Variants in CHL1 observed in about 807,000 individuals in gnomAD.
The protein encoded by CHL1 is cell adhesion molecule L1 like, also known as neural cell adhesion molecule L1-like protein.
CHL1 carries 96 observed loss-of-function variants against 141.9 expected under a neutral mutation model. That is an observed-to-expected ratio of 0.68 (90% CI 0.57 to 0.80). The LOEUF is 0.80. Ranked by LOEUF, CHL1 falls within the 30% of genes least tolerant of loss-of-function variation. The pLI is 0.00. For synonymous variants in CHL1, 613 were observed against 502.2 expected, an observed-to-expected ratio of 1.22 and a Z score of -2.95; for missense variants, 1,820 against 1,457.2, an observed-to-expected ratio of 1.25 and a Z score of -4.05.
At chr3:230,413 A>G (rs1382745271) in intron 1 of CHL1, among the ~76,000 whole-genome samples, 1 of 152,180 alleles carries the variant, frequency 6.6e-6, no homozygotes, top group African/African-American at 2.4e-5. Context: ...TGATGACTTG[A>G]AAAAAATATG....
chr3:227,431 C>G (rs971394421), intron 1 of CHL1, among the ~76,000 whole-genome samples: 1 of 152,154 alleles, frequency 6.6e-6, no homozygotes, highest in African/African-American at 2.4e-5. Context: ...AACAGAAAAC[C>G]TCGTCTTTTC....
chr3:406,615 T>C lies in CHL1; in HGVS notation c.*904T>C, dbSNP rs150175607. On this transcript the variant is annotated 3_prime_UTR_variant, in exon 28 of 28. Coordinates refer to ENST00000256509, the MANE Select transcript of CHL1 (RefSeq NM_006614.4). The stretch of plus-strand genomic sequence containing the variant: ...TTTCATGAATACATTGTACATATTA[T>C]GTTAATATTTACACAATTTAAAATA... 7 of 152,282 alleles carry C rather than the reference T, an allele frequency of 4.6e-5. No individual in the cohort carries two copies. The highest frequency in any genetic ancestry group is 1.7e-4 in the African/African-American group (7 of 41,564). The allele number at this position is 152,282 out of a possible 1,614,324, so 9.4% of individuals were successfully genotyped here.
At chr3:351,381 G>T (rs1368975261) in intron 10 of CHL1, among the ~76,000 whole-genome samples, 1 of 152,128 alleles carries the variant, frequency 6.6e-6, no homozygotes, top group East Asian at 1.9e-4. Context: ...TGTACCTTCA[G>T]TTGTATGTTT....
chr3:324,271 A>G (rs945135676), intron 3 of CHL1, among the ~76,000 whole-genome samples: 3 of 152,086 alleles, frequency 2.0e-5, no homozygotes, highest in Admixed American at 6.6e-5. Flanking sequence ...AATAGTACTT[A>G]TTTAAGTTAG....
chr3:365,907 G>C (rs1038637180), intron 14 of CHL1, 43 bp from the exon 15 acceptor site: 1 of 1,535,556 alleles, frequency 6.5e-7, no homozygotes, highest in African/African-American at 1.4e-5. Context: ...AACAAAGTAA[G>C]TTACGCTTAG....
At chr3:379,270 A>G (rs116283326) in intron 16 of CHL1, among the ~76,000 whole-genome samples, 1 of 152,192 alleles carries the variant, frequency 6.6e-6, no homozygotes, top group African/African-American at 2.4e-5. Context: ...ACAAATGGCC[A>G]TCAAGGTTGG....
At position 383,843 on chromosome 3, in the gene CHL1, G is replaced by T; in HGVS notation, c.2204G>T (p.Arg735Met). 1 of 1,610,210 alleles carries T rather than the reference G, an allele frequency of 6.2e-7. No homozygotes were observed. The highest frequency in any genetic ancestry group is 1.1e-5 in the South Asian group (1 of 90,810). ...AAPDRNPQNI[R>M]VQASQPKEMI... ...CCAGATAGGAATCCACAAAACATAAGGGTTCAAGCCTCTCAACCCAAGGAA... is the reference window on the plus strand; with the variant it reads ...CCAGATAGGAATCCACAAAACATAATGGTTCAAGCCTCTCAACCCAAGGAA... The change falls in exon 19 of 28, where the codon AGG (arginine) becomes ATG (methionine). Residue 735 changes from arginine (R) to methionine (M), a missense_variant. Transcript: ENST00000256509.
chr3:383,547 A>C (rs1354490523), intron 18 of CHL1, among the ~76,000 whole-genome samples: 1 of 152,176 alleles, frequency 6.6e-6, no homozygotes, highest in Non-Finnish European at 1.5e-5. Context: ...AAATTTTAAA[A>C]GCAGATTCAA....
At chr3:314,462 C>T (rs1221323731) in intron 2 of CHL1, among the ~76,000 whole-genome samples, 1 of 150,774 alleles carries the variant, frequency 6.6e-6, no homozygotes, top group Admixed American at 6.7e-5. Context: ...CATCCCAAAA[C>T]ACTGATTCAA....
chr3:310,270 T>C (rs78598337), intron 2 of CHL1, among the ~76,000 whole-genome samples: 1 of 150,176 alleles, frequency 6.7e-6, no homozygotes, highest in African/African-American at 2.4e-5. Flanking sequence ...ATCTCTATAA[T>C]TTTTTTTTTA....
chr3:403,849 A>G (rs1443653196), intron 27 of CHL1, among the ~76,000 whole-genome samples: 24 of 152,206 alleles, frequency 1.6e-4, no homozygotes, highest in Admixed American at 1.6e-3. Context: ...GTGCCCTTGC[A>G]TAAGTCCTCA....
At position 309,440 on chromosome 3, in the gene CHL1, CTTTCT is replaced by C. The variant is rs1180532873; in HGVS notation, c.-94-10237_-94-10233del. 4.4e-4 allele frequency: 64 copies of C among 146,844 alleles called. 1 individual carries two copies. The highest frequency in any genetic ancestry group is 1.6e-3 in the African/African-American group (61 of 37,876). The allele number at this position is 146,844 out of a possible 1,614,324, so 9.1% of individuals were successfully genotyped here. On this transcript the variant is annotated intron_variant, in intron 2 of 27. Coordinates refer to ENST00000256509, the MANE Select transcript of CHL1 (RefSeq NM_006614.4). ...CTTTTCTTCCTCTTTCTTTCTCTTT[CTTTCT>C]TTTCTCTTTCTTTCTTTCTTATTCC... is the stretch of plus-strand genomic sequence containing the variant.
intron 2 of CHL1, among the ~76,000 whole-genome samples, chr3:313,553 G>A (rs1699918435): frequency 6.6e-6 from 1 of 152,042 alleles, no homozygotes. Context: ...CATCATGACT[G>A]TTAGGTGAAA....
chr3:273,066 C>A (rs544610564), intron 2 of CHL1, among the ~76,000 whole-genome samples: 4 of 152,212 alleles, frequency 2.6e-5, no homozygotes, highest in Admixed American at 2.6e-4. Context: ...GACATCTCTG[C>A]GAAGATCTGG....
chr3:283,434 T>C (rs1345641948), intron 2 of CHL1, among the ~76,000 whole-genome samples: 1 of 152,216 alleles, frequency 6.6e-6, no homozygotes, highest in Non-Finnish European at 1.5e-5. Flanking sequence ...TATCTTTCTA[T>C]TTATGTACAC....
chr3:405,758 A>G lies in CHL1; in HGVS notation c.*47A>G. ...CTACTGGTTCACCCCAACCTTCCAT[A>G]TTTATCTGTTCAAAGGAGCAAGAAC... On this transcript the variant is annotated 3_prime_UTR_variant, in exon 28 of 28. Transcript: ENST00000256509. 2 of 1,422,518 alleles carry G rather than the reference A, an allele frequency of 1.4e-6. No homozygotes were observed. The allele number at this position is 1,422,518 out of a possible 1,614,324, so 88.1% of individuals were successfully genotyped here.
chr3:356,827 A>C (rs1000909760), intron 11 of CHL1, among the ~76,000 whole-genome samples: 1 of 152,234 alleles, frequency 6.6e-6, no homozygotes, highest in African/African-American at 2.4e-5. Flanking sequence ...AGCTCAGGTA[A>C]AGATGAACAT....
chr3:312,684 G>T (rs1177626510), intron 2 of CHL1, among the ~76,000 whole-genome samples: 1 of 152,192 alleles, frequency 6.6e-6, no homozygotes, highest in African/African-American at 2.4e-5. Flanking sequence ...AGGTCAGAGA[G>T]AAGTGAAGGT....
chr3:311,247 T>A (rs1233307058), intron 2 of CHL1, among the ~76,000 whole-genome samples: 1 of 152,228 alleles, frequency 6.6e-6, no homozygotes, highest in African/African-American at 2.4e-5. Context: ...AAGAGTTCAA[T>A]GGCTGGATCA....
Sources: gnomAD v4.1 joint callset for allele counts (sites outside exome capture counted in the v4.1 genomes callset) on GRCh38, gnomAD v4.1.1 for gene constraint, MANE v1.5 for transcripts, NCBI Gene and HGNC (gene_info 2026-07-23, HGNC 2026-07-21) for gene names.